The following SERGEF variants were observed in gnomAD, a reference collection of about 807,000 sequenced individuals.
SERGEF encodes secretion-regulating guanine nucleotide exchange factor.
In SERGEF, 51 loss-of-function variants were observed where a neutral mutation model predicts 50.0. That is an observed-to-expected ratio of 1.02 (90% CI 0.81 to 1.29). The LOEUF (loss-of-function observed/expected upper bound fraction) is 1.29. SERGEF is among the 50% of genes most tolerant of loss of function. The pLI, the probability that SERGEF is intolerant of heterozygous loss-of-function variation, is 0.00. For synonymous variants in SERGEF, 205 were observed against 212.4 expected, an observed-to-expected ratio of 0.97 and a Z score of 0.30; for missense variants, 521 against 557.0, an observed-to-expected ratio of 0.94 and a Z score of 0.65.
chr11:17,954,444 G>A (rs1371357220), intron 9 of SERGEF, among the ~76,000 whole-genome samples: 1 of 152,170 alleles, frequency 6.6e-6, no homozygotes, highest in Non-Finnish European at 1.5e-5. Flanking sequence ...AAATAACACT[G>A]TGGAAAGTGT....
At chr11:17,877,897 T>TC (rs1291406678) in intron 10 of SERGEF, 1 of 249,362 alleles carries the variant, frequency 4.0e-6, no homozygotes, top group Non-Finnish European at 7.6e-6. Flanking sequence ...CAATCATTCT[T>TC]CCTTTTTATG....
At chr11:17,891,099 GT>G (rs1302357447) in intron 9 of SERGEF, among the ~76,000 whole-genome samples, 3 of 152,068 alleles carry the variant, frequency 2.0e-5, no homozygotes, top group Non-Finnish European at 4.4e-5. Flanking sequence ...AAGACTGAAG[GT>G]TTGCTTACTA....
intron 10 of SERGEF, among the ~76,000 whole-genome samples, chr11:17,835,025 A>AT (rs1304894221): frequency 6.6e-6 from 1 of 152,218 alleles, no homozygotes; most frequent in African/African-American, 2.4e-5. Context: ...GGATGATCCC[A>AT]TTTTAGCTAG....
At chr11:17,973,517 T>C (rs116372969) in intron 8 of SERGEF, among the ~76,000 whole-genome samples, 255 of 152,292 alleles carry the variant, frequency 1.7e-3, no homozygotes, top group African/African-American at 5.9e-3. Flanking sequence ...GCCCCAATCT[T>C]TGGGTAAGCA....
rs764337118 is a variant in SERGEF at position 17,788,277 on chromosome 11, G to A, written c.1185C>T (p.His395=). The A allele has an allele frequency of 3.1e-6, 5 of 1,613,978 alleles. No homozygotes were observed. Among genetic ancestry groups the A allele is most frequent in the Non-Finnish European group, 2.5e-6 (3 of 1,179,968 alleles). Residue 395 remains histidine (H), a synonymous_variant, in exon 11 of 11, where the codon CAC becomes CAT. Coordinates refer to ENST00000265965, the MANE Select transcript of SERGEF (RefSeq NM_012139.4). ...CTGGCAGCTGGCAGAGGGCCAAGGA[G>A]TGGCCAGCCCCACAGCCCACAAGGA... ...SGLLVGCGAG[H]SLALCQLPAH... is the part of the protein sequence containing the mutation.
At chr11:17,819,097 C>T (rs1353718120) in intron 10 of SERGEF, among the ~76,000 whole-genome samples, 1 of 152,204 alleles carries the variant, frequency 6.6e-6, no homozygotes, top group Admixed American at 6.5e-5. Flanking sequence ...TTCCATGGTA[C>T]GCCAGTGGTT....
chr11:17,845,765 A>T (rs936072111), intron 10 of SERGEF, among the ~76,000 whole-genome samples: 1 of 152,196 alleles, frequency 6.6e-6, no homozygotes, highest in Non-Finnish European at 1.5e-5. Context: ...GACCAATACA[A>T]TTCTCTCTTT....
At chr11:17,918,930 T>C (rs748296397) in intron 9 of SERGEF, among the ~76,000 whole-genome samples, 8 of 152,114 alleles carry the variant, frequency 5.3e-5, no homozygotes, top group Non-Finnish European at 1.2e-4. Flanking sequence ...TAACGTGACT[T>C]TGGGAGATGA....
intron 10 of SERGEF, among the ~76,000 whole-genome samples, chr11:17,812,329 C>T (rs1849891338): frequency 6.6e-6 from 1 of 152,240 alleles, no homozygotes; most frequent in East Asian, 1.9e-4. Context: ...GCCCATTTCT[C>T]TGCCAGGGGC....
intron 9 of SERGEF, among the ~76,000 whole-genome samples, chr11:17,922,148 A>C (rs145061617): frequency 2.2e-3 from 329 of 152,332 alleles, no homozygotes; most frequent in African/African-American, 7.0e-3. Flanking sequence ...CAGGAAACAG[A>C]GTGTCCTTGG....
At chr11:17,995,678 A>ATTTT (rs1853822422) in intron 6 of SERGEF, 118 bp downstream of exon 6, 3 of 696,196 alleles carry the variant, frequency 4.3e-6, no homozygotes, top group Non-Finnish European at 7.4e-6. Flanking sequence ...ACTAATAGAG[A>ATTTT]AAGTTAGAGA....
At chr11:17,972,767 G>A (rs211141) in intron 8 of SERGEF, among the ~76,000 whole-genome samples, 94,605 of 151,808 alleles carry the variant, frequency 0.62, 29,743 homozygotes, top group African/African-American at 0.71. Flanking sequence ...TGGGCTTCCT[G>A]AGCTCCTTGG....
intron 10 of SERGEF, among the ~76,000 whole-genome samples, chr11:17,788,955 T>C (rs909323060): frequency 6.6e-6 from 1 of 152,238 alleles, no homozygotes; most frequent in Non-Finnish European, 1.5e-5. Context: ...TGCCTTTCCA[T>C]GGTCCTTAAG....
intron 5 of SERGEF, among the ~76,000 whole-genome samples, chr11:17,998,766 T>C (rs771004722): frequency 1.0e-4 from 15 of 147,210 alleles, no homozygotes; most frequent in Non-Finnish European, 1.6e-4. Context: ...TCTCTCCCTC[T>C]CCACAGGCAC....
chr11:17,788,293 C>T lies in SERGEF; in HGVS notation c.1169G>A (p.Gly390Asp). 1 of 1,614,206 alleles carries T rather than the reference C, an allele frequency of 6.2e-7. No homozygotes were observed. Among genetic ancestry groups the T allele is most frequent in the Non-Finnish European group, 8.5e-7 (1 of 1,180,028 alleles). ...ALLSSSGLLVGCGAGHSLALC... is the reference protein window; with the variant it reads ...ALLSSSGLLVDCGAGHSLALC... ...GGCCAAGGAGTGGCCAGCCCCACAG[C>T]CCACAAGGAGTCCTGACGATGACAG... The change falls in exon 11 of 11, where the codon GGC becomes GAC. Residue 390 changes from glycine (G) to aspartate (D), a missense_variant. Physicochemically the swap from Gly to Asp is moderately conservative, Grantham distance 94. Transcript: ENST00000265965.
chr11:17,909,168 C>CCACAGAA (rs1851904816), intron 9 of SERGEF, among the ~76,000 whole-genome samples: 1 of 152,164 alleles, frequency 6.6e-6, no homozygotes, highest in African/African-American at 2.4e-5. Context: ...TGACCTTGGG[C>CCACAGAA]AAGTCAAGCC....
At chr11:17,902,539 G>A (rs1851766784) in intron 9 of SERGEF, among the ~76,000 whole-genome samples, 1 of 152,100 alleles carries the variant, frequency 6.6e-6, no homozygotes, top group Non-Finnish European at 1.5e-5. Context: ...CCCAAGCCTC[G>A]GTAACTAGAA....
At chr11:17,911,400 T>C (rs1049920992) in intron 9 of SERGEF, among the ~76,000 whole-genome samples, 3 of 148,268 alleles carry the variant, frequency 2.0e-5, no homozygotes, top group Admixed American at 6.8e-5. Context: ...CACACATATA[T>C]ATACACACAC....
chr11:17,937,063 C>T lies in SERGEF; in HGVS notation c.1011+22407G>A, dbSNP rs183095490. Among the ~76,000 whole-genome samples, 6 of 151,996 alleles carry T rather than the reference C, an allele frequency of 3.9e-5. No individual in the cohort carries two copies. The East Asian group carries it at 9.7e-4, about 24-fold the overall frequency. On this transcript the variant is annotated intron_variant, in intron 9 of 10. Coordinates refer to ENST00000265965, the MANE Select transcript of SERGEF (RefSeq NM_012139.4). Reference sequence around the variant, plus strand: ...CCAAAAATAATCACATAAATTATGGCATATTCAAATAATACAATATTATTT... The same window carrying T: ...CCAAAAATAATCACATAAATTATGGTATATTCAAATAATACAATATTATTT...
Sources: gnomAD v4.1 joint callset for allele counts (sites outside exome capture counted in the v4.1 genomes callset) on GRCh38, gnomAD v4.1.1 for gene constraint, MANE v1.5 for transcripts, NCBI Gene and HGNC (gene_info 2026-07-23, HGNC 2026-07-21) for gene names.